XKR4: variants seen among roughly 807,000 people sequenced by gnomAD.
XKR4 encodes the protein XK related 4.
In XKR4, 12 loss-of-function variants were observed where a neutral mutation model predicts 53.9. The observed-to-expected ratio is 0.22, with a 90% CI of 0.14 to 0.36. The LOEUF (loss-of-function observed/expected upper bound fraction) is 0.36. XKR4 is among the 10% of genes least tolerant of loss of function. The pLI, the probability that XKR4 is intolerant of heterozygous loss-of-function variation, is 1.00. For missense variants in XKR4, 799 were observed against 859.5 expected (o/e 0.93, Z 0.88); for synonymous variants, 354 against 362.4 (o/e 0.98, Z 0.26).
chr8:55,338,148 T>TA (rs1803490423), intron 1 of XKR4, among the ~76,000 whole-genome samples: 3 of 152,260 alleles, frequency 2.0e-5, no homozygotes, highest in East Asian at 1.9e-4. Context: ...ATCTTCTCTT[T>TA]AAAAAAGAAT....
At chr8:55,134,580 T>C (rs572274335) in intron 1 of XKR4, among the ~76,000 whole-genome samples, 1 of 152,342 alleles carries the variant, frequency 6.6e-6, no homozygotes, top group Non-Finnish European at 1.5e-5. Flanking sequence ...GTCTCTTACA[T>C]AGTGGGAAGA....
intron 1 of XKR4, among the ~76,000 whole-genome samples, chr8:55,134,358 C>T (rs1816596166): frequency 6.6e-6 from 1 of 151,986 alleles, no homozygotes; most frequent in African/African-American, 2.4e-5. Context: ...ATGACAGTAG[C>T]CTGTATATAA....
intron 1 of XKR4, among the ~76,000 whole-genome samples, chr8:55,292,762 T>C (rs1440740030): frequency 6.6e-6 from 1 of 152,180 alleles, no homozygotes; most frequent in Non-Finnish European, 1.5e-5. Context: ...CTAATGTGAG[T>C]GTTTAGTTCT....
chr8:55,386,221 A>G (rs547062863), intron 2 of XKR4, among the ~76,000 whole-genome samples: 14 of 152,134 alleles, frequency 9.2e-5, no homozygotes, highest in Non-Finnish European at 1.6e-4. Flanking sequence ...GGATCAGGGG[A>G]GAGTCTTGCA....
At chr8:55,450,264 G>A in intron 2 of XKR4, 1 of 675,350 alleles carries the variant, frequency 1.5e-6, no homozygotes, top group Admixed American at 2.4e-5. Flanking sequence ...GGGCTCAGGG[G>A]GTTCCCCGAG....
chr8:55,358,842 G>A (rs1803857266), intron 2 of XKR4, among the ~76,000 whole-genome samples: 1 of 152,218 alleles, frequency 6.6e-6, no homozygotes, highest in South Asian at 2.1e-4. Flanking sequence ...TTTGAGTTTT[G>A]TTCTGGTTGG....
chr8:55,279,475 T>G (rs2129373612), intron 1 of XKR4, among the ~76,000 whole-genome samples: 1 of 152,322 alleles, frequency 6.6e-6, no homozygotes, highest in South Asian at 2.1e-4. Flanking sequence ...CTTTTTAAAT[T>G]GCCAGCTGTT....
intron 1 of XKR4, among the ~76,000 whole-genome samples, chr8:55,303,383 G>T (rs1365041750): frequency 6.6e-6 from 1 of 152,162 alleles, no homozygotes; most frequent in East Asian, 1.9e-4. Context: ...TTGATGTGCT[G>T]CTGGATTCGG....
At chr8:55,435,737 T>A (rs993802194) in intron 2 of XKR4, among the ~76,000 whole-genome samples, 1 of 151,976 alleles carries the variant, frequency 6.6e-6, no homozygotes, top group African/African-American at 2.4e-5. Flanking sequence ...CCTAATTTTT[T>A]AAAAAATTTT....
intron 1 of XKR4, among the ~76,000 whole-genome samples, chr8:55,303,753 C>T (rs201635868): frequency 0.018 from 2,684 of 152,262 alleles, 56 homozygotes; most frequent in African/African-American, 0.052. Context: ...GGAATTTATC[C>T]ATTTCTTCTA....
chr8:55,180,464 G>A (rs1817292636), intron 1 of XKR4, among the ~76,000 whole-genome samples: 1 of 152,220 alleles, frequency 6.6e-6, no homozygotes, highest in Non-Finnish European at 1.5e-5. Context: ...GCTCAGGGGT[G>A]TCAGTGTGGC....
intron 2 of XKR4, among the ~76,000 whole-genome samples, chr8:55,419,606 T>G (rs1804896187): frequency 6.6e-6 from 1 of 152,236 alleles, no homozygotes; most frequent in Admixed American, 6.5e-5. Context: ...GATACATTCT[T>G]AAGTAGATAA....
chr8:55,255,091 C>T (rs180756803), intron 1 of XKR4, among the ~76,000 whole-genome samples: 3 of 152,282 alleles, frequency 2.0e-5, no homozygotes, highest in African/African-American at 7.2e-5. Context: ...AGTATCAGTG[C>T]AAAATTTCCA....
Position 55,475,118 on chromosome 8 carries a change from A to G in XKR4, c.1007-48163A>G, listed in dbSNP as rs113003792. ...GTCAGTGATACTAAATAGTACACGG[A>G]TACCAAGGCAGTAGGTAAGGGAAAT... On this transcript the variant is annotated intron_variant, in intron 2 of 2. Transcript: ENST00000327381. Among the ~76,000 whole-genome samples, 701 of 152,268 alleles carry G rather than the reference A, an allele frequency of 4.6e-3. 10 individuals carry two copies. Among genetic ancestry groups the G allele is most frequent in the Middle Eastern group, 0.027 (8 of 294 alleles).
chr8:55,538,570 A>C lies in XKR4; in HGVS notation c.*14343A>C, dbSNP rs1185282910. On this transcript the variant is annotated 3_prime_UTR_variant, in exon 3 of 3. Coordinates refer to ENST00000327381, the MANE Select transcript of XKR4 (RefSeq NM_052898.2). ...CAACTCCTTTCATCCAGACATTCAGATGCTTTATATAAGTTGGCAATTTTC... is the reference window on the plus strand; with the variant it reads ...CAACTCCTTTCATCCAGACATTCAGCTGCTTTATATAAGTTGGCAATTTTC... The C allele has an allele frequency of 1.3e-5, 2 of 152,212 alleles. No homozygotes were observed. Among genetic ancestry groups the C allele is most frequent in the Non-Finnish European group, 2.9e-5 (2 of 68,036 alleles). 9.4% of individuals were successfully genotyped at this position (152,212 alleles called of 1,614,324 possible).
chr8:55,326,950 G>C (rs554388674), intron 1 of XKR4, among the ~76,000 whole-genome samples: 2 of 151,938 alleles, frequency 1.3e-5, no homozygotes, highest in Non-Finnish European at 2.9e-5. Context: ...GATTTTGAGG[G>C]ACAATGAGGA....
At chr8:55,336,104 G>T (rs1363467654) in intron 1 of XKR4, among the ~76,000 whole-genome samples, 5 of 151,644 alleles carry the variant, frequency 3.3e-5, no homozygotes, top group African/African-American at 9.7e-5. Context: ...ATATGGTTTG[G>T]CTGTGTCTCC....
At chr8:55,296,981 A>C (rs1819110315) in intron 1 of XKR4, among the ~76,000 whole-genome samples, 1 of 152,194 alleles carries the variant, frequency 6.6e-6, no homozygotes, top group Non-Finnish European at 1.5e-5. Flanking sequence ...AAAATGCTTA[A>C]CGATTGAGGG....
At chr8:55,491,772 G>A (rs1003829738) in intron 2 of XKR4, among the ~76,000 whole-genome samples, 1 of 152,002 alleles carries the variant, frequency 6.6e-6, no homozygotes, top group African/African-American at 2.4e-5. Context: ...CTAGGATTAC[G>A]GGCACACACC....
Sources: allele counts gnomAD v4.1 joint callset (sites outside exome capture counted in the v4.1 genomes callset), GRCh38; gene constraint gnomAD v4.1.1; transcripts MANE v1.5; gene names NCBI Gene and HGNC (gene_info 2026-07-23, HGNC 2026-07-21).